DPP6: variants seen among roughly 807,000 people sequenced by gnomAD.
DPP6 encodes the protein A-type potassium channel modulatory protein DPP6.
In DPP6, 69 loss-of-function variants were observed where a neutral mutation model predicts 122.6. The observed-to-expected ratio is 0.56, with a 90% confidence interval of 0.46 to 0.69. The LOEUF is 0.69. Ranked by LOEUF, DPP6 falls within the 30% of genes least tolerant of loss-of-function variation. The pLI, the probability that DPP6 is intolerant of heterozygous loss-of-function variation, is 0.00. For missense variants in DPP6, 928 were observed against 1,116.9 expected, an observed-to-expected ratio of 0.83 and a Z score of 2.41; for synonymous variants, 418 against 433.1, an observed-to-expected ratio of 0.97 and a Z score of 0.43.
intron 4 of DPP6, among the ~76,000 whole-genome samples, chr7:154,550,138 T>C (rs954757839): frequency 6.6e-6 from 1 of 152,226 alleles, no homozygotes; most frequent in African/African-American, 2.4e-5. Flanking sequence ...AATTTATTTA[T>C]TTTTAACAGT....
chr7:154,461,968 T>A (rs929786360), intron 2 of DPP6, among the ~76,000 whole-genome samples: 1 of 152,330 alleles, frequency 6.6e-6, no homozygotes, highest in South Asian at 2.1e-4. Context: ...TCCCCAATTT[T>A]TTTTTAAGTA....
In DPP6 at chr7:154,282,595, T is replaced by C. The variant is rs1197757636; in HGVS notation, c.244-163619T>C. Among the ~76,000 whole-genome samples, 2 of 152,202 alleles carry C rather than the reference T, an allele frequency of 1.3e-5. No individual in the cohort carries two copies. Among genetic ancestry groups the C allele is most frequent in the Non-Finnish European group, 2.9e-5 (2 of 68,040 alleles). ...ATGCAGCCCAGGGCCTCCCTGCCCA[T>C]GGCATTTTCTCAGGAGCTGTCTCCT... On this transcript the variant is annotated intron_variant, in intron 1 of 25. Transcript: ENST00000377770. The surrounding 1 kb of genome is among the most constrained non-coding windows in gnomAD (Gnocchi z 4.8).
intron 16 of DPP6, among the ~76,000 whole-genome samples, chr7:154,827,735 GT>G (rs1481809509): frequency 5.0e-4 from 29 of 58,178 alleles, no homozygotes; most frequent in African/African-American, 1.4e-3. Context: ...CGGGGGGGGG[GT>G]GGTGTCGGAG....
At position 154,481,621 on chromosome 7, in the gene DPP6, G is replaced by A. The variant is rs936466755; in HGVS notation, c.457+6584G>A. Among the ~76,000 whole-genome samples the A allele has an allele frequency of 2.0e-5, 3 of 151,870 alleles. No homozygotes were observed. The highest frequency in any genetic ancestry group is 1.9e-4 in the East Asian group (1 of 5,164). ...CAGTTTTCTCTTAAACTTTGCCTAC[G>A]TGAACTTCTTTGGATTGCTTCAGAA... is the stretch of plus-strand genomic sequence containing the variant. On this transcript the variant is annotated intron_variant, in intron 3 of 25. Transcript: ENST00000377770. This position sits in a 1 kb window ranked among gnomAD's most constrained non-coding sequence, Gnocchi z 4.2.
the DPP6 span, among the ~76,000 whole-genome samples, chr7:153,850,748 A>T: frequency 6.6e-6 from 1 of 151,862 alleles, no homozygotes; most frequent in Admixed American, 6.6e-5. Flanking sequence ...TAATAAAACC[A>T]TCAGATTTAG....
At chr7:154,384,822 A>T (rs1813944593) in intron 1 of DPP6, among the ~76,000 whole-genome samples, 1 of 149,416 alleles carries the variant, frequency 6.7e-6, no homozygotes, top group South Asian at 2.1e-4. Context: ...ATGAGTGTTC[A>T]TCAGTAGTGG....
At chr7:154,281,435 A>C (rs560907684) in intron 1 of DPP6, among the ~76,000 whole-genome samples, 39 of 152,324 alleles carry the variant, frequency 2.6e-4, no homozygotes, top group African/African-American at 8.9e-4. Context: ...AATTGTCTTC[A>C]GAATCATTGA....
intron 16 of DPP6, among the ~76,000 whole-genome samples, chr7:154,816,489 G>A (rs993043565): frequency 6.6e-6 from 1 of 152,110 alleles, no homozygotes; most frequent in African/African-American, 2.4e-5. Context: ...ACATGTCCCT[G>A]GTGGATATGG....
intron 1 of DPP6, among the ~76,000 whole-genome samples, chr7:153,986,561 A>T (rs1170398195): frequency 6.6e-6 from 1 of 152,222 alleles, no homozygotes; most frequent in Non-Finnish European, 1.5e-5. Flanking sequence ...GCATGCAAGT[A>T]GGGACCAGAG....
At chr7:154,690,228 GGTT>G (rs1839858282) in intron 7 of DPP6, among the ~76,000 whole-genome samples, 1 of 152,160 alleles carries the variant, frequency 6.6e-6, no homozygotes, top group South Asian at 2.1e-4. Flanking sequence ...CAGATTCCCA[GGTT>G]GTTATCACTC....
chr7:154,381,772 C>T (rs1813630960), intron 1 of DPP6, among the ~76,000 whole-genome samples: 1 of 152,178 alleles, frequency 6.6e-6, no homozygotes, highest in African/African-American at 2.4e-5. Flanking sequence ...TATGTGTCTG[C>T]ATGTGTGTGT....
At chr7:154,285,428 C>A (rs1277123435) in intron 1 of DPP6, among the ~76,000 whole-genome samples, 1 of 152,130 alleles carries the variant, frequency 6.6e-6, no homozygotes, top group East Asian at 1.9e-4. Context: ...CCACACTTGG[C>A]TAATGTTTGC....
chr7:154,269,470 A>G (rs1017892476), intron 1 of DPP6, among the ~76,000 whole-genome samples: 3 of 152,178 alleles, frequency 2.0e-5, no homozygotes, highest in African/African-American at 7.2e-5. Context: ...CCTGGGCCAC[A>G]GTGCTTTGTA....
intron 1 of DPP6, among the ~76,000 whole-genome samples, chr7:154,380,274 G>A (rs936965841): frequency 1.3e-5 from 2 of 152,190 alleles, no homozygotes; most frequent in Non-Finnish European, 2.9e-5. Context: ...TCCACATTGG[G>A]AAACACACGC....
the DPP6 span, among the ~76,000 whole-genome samples, chr7:153,805,549 C>T: frequency 6.6e-6 from 1 of 152,124 alleles, no homozygotes; most frequent in Non-Finnish European, 1.5e-5. Context: ...GATTTATATT[C>T]CTTTGGGTAT....
chr7:154,345,216 T>A (rs1458011171), intron 1 of DPP6, among the ~76,000 whole-genome samples: 1 of 151,464 alleles, frequency 6.6e-6, no homozygotes, highest in Non-Finnish European at 1.5e-5. Flanking sequence ...GGAGAGAGAG[T>A]GGAAAGAGGC....
chr7:154,744,433 T>C (rs1842947063), intron 8 of DPP6, among the ~76,000 whole-genome samples: 1 of 152,246 alleles, frequency 6.6e-6, no homozygotes, highest in Non-Finnish European at 1.5e-5. Flanking sequence ...AGCCGAGGCA[T>C]GTTCGGGGAG....
chr7:154,275,055 G>A (rs539182209), intron 1 of DPP6, among the ~76,000 whole-genome samples: 5 of 152,362 alleles, frequency 3.3e-5, no homozygotes, highest in Admixed American at 6.5e-5. Context: ...GTCATGCTCA[G>A]GGCAGCACCT....
chr7:154,637,451 A>G (rs997339398), intron 5 of DPP6, among the ~76,000 whole-genome samples: 3 of 152,194 alleles, frequency 2.0e-5, no homozygotes, highest in African/African-American at 7.2e-5. Flanking sequence ...CTAGCCGTAC[A>G]TGGGTCTTAC....
Sources: gnomAD v4.1 joint callset for allele counts (sites outside exome capture counted in the v4.1 genomes callset) on GRCh38, gnomAD v4.1.1 for gene constraint, Gnocchi (gnomAD v3.1) non-coding constraint, MANE v1.5 for transcripts, NCBI Gene and HGNC (gene_info 2026-07-23, HGNC 2026-07-21) for gene names.